NR3C2: variants seen among roughly 807,000 people sequenced by gnomAD.
The protein encoded by NR3C2 is mineralocorticoid receptor.
A neutral mutation model predicts 86.4 loss-of-function variants in NR3C2; 15 were observed. The ratio of observed to expected loss-of-function variants is 0.17; its 90% confidence interval spans 0.12 to 0.27. NR3C2 has a LOEUF of 0.27. Among genes scored for constraint, NR3C2 ranks in the 10% least tolerant of loss-of-function variants. The probability of loss-of-function intolerance (pLI) is 1.00; values close to 1 mark genes in which losing one functional copy is unlikely to be tolerated. For synonymous variants in NR3C2, 458 were observed against 450.5 expected (o/e 1.02, Z -0.21); for missense variants, 960 against 1,195.6 (o/e 0.80, Z 2.91).
chr4:148,416,169 G>A (rs1172314483), intron 2 of NR3C2, among the ~76,000 whole-genome samples: 2 of 152,014 alleles, frequency 1.3e-5, no homozygotes, highest in Non-Finnish European at 2.9e-5. Flanking sequence ...AATTCACTGG[G>A]AAAAAAGTTA....
At chr4:148,362,202 G>C (rs1261696290) in intron 2 of NR3C2, among the ~76,000 whole-genome samples, 2 of 152,122 alleles carry the variant, frequency 1.3e-5, no homozygotes, top group Non-Finnish European at 2.9e-5. Flanking sequence ...CAAGATTTCA[G>C]GCTGTTTGCA....
chr4:148,378,732 T>C (rs1173004519), intron 2 of NR3C2, among the ~76,000 whole-genome samples: 1 of 152,246 alleles, frequency 6.6e-6, no homozygotes. Context: ...ATGCTTCCTA[T>C]GCAGCCTGCA....
chr4:148,128,429 G>A lies in NR3C2; in HGVS notation c.2511-8141C>T, dbSNP rs980839960. Among the ~76,000 whole-genome samples the A allele has an allele frequency of 3.3e-5, 5 of 152,308 alleles. No homozygotes were observed. The South Asian group carries it at 1.0e-3, about 32-fold the overall frequency. On this transcript the variant is annotated intron_variant, in intron 6 of 8. Transcript: ENST00000358102. ...ATCATATTCATGTTGTATTTTGACA[G>A]AAGTAGATATTTGACAAGCCCAAAC...
chr4:148,412,325 T>G (rs1235763027), intron 2 of NR3C2, among the ~76,000 whole-genome samples: 1 of 152,164 alleles, frequency 6.6e-6, no homozygotes, highest in Non-Finnish European at 1.5e-5. Context: ...TAATCACTTA[T>G]TTTCCTGGGA....
intron 2 of NR3C2, among the ~76,000 whole-genome samples, chr4:148,404,212 T>C (rs1421848224): frequency 4.6e-5 from 7 of 152,124 alleles, no homozygotes; most frequent in Non-Finnish European, 8.8e-5. Flanking sequence ...CTGCATAAAA[T>C]AACTGAAAAC....
intron 7 of NR3C2, among the ~76,000 whole-genome samples, chr4:148,119,531 C>T (rs558262441): frequency 3.0e-4 from 46 of 152,300 alleles, no homozygotes; most frequent in African/African-American, 4.1e-4. Flanking sequence ...TGGTGGCTCA[C>T]GCCTATAATC....
chr4:148,215,700 G>C (rs543684387), intron 3 of NR3C2, among the ~76,000 whole-genome samples: 43 of 151,572 alleles, frequency 2.8e-4, no homozygotes, highest in Non-Finnish European at 5.4e-4. Flanking sequence ...CAATTAACCT[G>C]TTAGGCTCTG....
At chr4:148,276,128 C>A (rs1013346961) in intron 2 of NR3C2, among the ~76,000 whole-genome samples, 1 of 152,086 alleles carries the variant, frequency 6.6e-6, no homozygotes, top group East Asian at 1.9e-4. Flanking sequence ...TCTTGGAGTC[C>A]TTATTGTGAA....
At chr4:148,193,508 A>G (rs746870494) in intron 4 of NR3C2, among the ~76,000 whole-genome samples, 18 of 152,184 alleles carry the variant, frequency 1.2e-4, no homozygotes, top group Admixed American at 2.6e-4. Flanking sequence ...TGATCCCCTG[A>G]ATCCAGTATT....
intron 3 of NR3C2, among the ~76,000 whole-genome samples, chr4:148,216,727 C>T (rs894399958): frequency 1.3e-5 from 2 of 152,210 alleles, no homozygotes; most frequent in African/African-American, 4.8e-5. Context: ...TTGGGACCTA[C>T]TATATGCCCA....
intron 8 of NR3C2, among the ~76,000 whole-genome samples, chr4:148,088,198 AAGTT>A (rs1175015238): frequency 1.3e-5 from 2 of 152,216 alleles, no homozygotes; most frequent in Non-Finnish European, 2.9e-5. Context: ...GATCACTAAA[AAGTT>A]AGTTAGGAAA....
rs61764574 is a variant in NR3C2 at position 148,140,999 on chromosome 4, CTG to C, written c.2510+11468_2510+11469del. On this transcript the variant is annotated intron_variant, in intron 6 of 8. Coordinates refer to ENST00000358102, the MANE Select transcript of NR3C2 (RefSeq NM_000901.5). Reference sequence around the variant, plus strand: ...GTAAAATTTAAAGAAGTCTGCAAAACTGAATCTTTTTCATTAAGCTTACATGT... The same window carrying C: ...GTAAAATTTAAAGAAGTCTGCAAAACAATCTTTTTCATTAAGCTTACATGT... 7.6e-4 allele frequency among the ~76,000 whole-genome samples: 116 copies of C among 152,148 alleles called. 1 individual carries two copies. Among genetic ancestry groups the C allele is most frequent in the Non-Finnish European group, 9.6e-4 (65 of 68,010 alleles).
At chr4:148,245,239 C>T (rs1739261491) in intron 3 of NR3C2, among the ~76,000 whole-genome samples, 1 of 152,160 alleles carries the variant, frequency 6.6e-6, no homozygotes, top group Non-Finnish European at 1.5e-5. Flanking sequence ...AGGTACTTGG[C>T]ACACATCATC....
chr4:148,321,513 A>C (rs1190467083), intron 2 of NR3C2, among the ~76,000 whole-genome samples: 1 of 151,942 alleles, frequency 6.6e-6, no homozygotes, highest in South Asian at 2.1e-4. Context: ...GTGGGAGTCT[A>C]AGTCTCTTTG....
chr4:148,294,539 A>C (rs1285059238), intron 2 of NR3C2, among the ~76,000 whole-genome samples: 1 of 140,500 alleles, frequency 7.1e-6, no homozygotes. Flanking sequence ...ACTCCCTCAC[A>C]AAACAGTTTT....
chr4:148,364,878 G>C (rs374270254), intron 2 of NR3C2, among the ~76,000 whole-genome samples: 76 of 150,964 alleles, frequency 5.0e-4, no homozygotes, highest in African/African-American at 1.8e-3. Context: ...TGGGACCCAA[G>C]TCTAAACATG....
At chr4:148,372,021 G>C (rs183113946) in intron 2 of NR3C2, among the ~76,000 whole-genome samples, 1 of 152,162 alleles carries the variant, frequency 6.6e-6, no homozygotes, top group Admixed American at 6.5e-5. Context: ...GAAATAACAA[G>C]GGATAAACTA....
At position 148,435,698 on chromosome 4, in the gene NR3C2, A is replaced by G. The variant is rs1397310113; in HGVS notation, c.1163T>C (p.Val388Ala). 2 of 1,614,178 alleles carry G rather than the reference A, an allele frequency of 1.2e-6. No homozygotes were observed. Among genetic ancestry groups the G allele is most frequent in the Non-Finnish European group, 8.5e-7 (1 of 1,180,042 alleles). The change falls in exon 2 of 9, where the codon GTG becomes GCG. Residue 388 changes from valine (V) to alanine (A), a missense_variant. By Grantham distance (64) the Val-to-Ala change is moderately conservative (BLOSUM62 0). Transcript: ENST00000358102. ...CTGGACAATATTAAGCTGGCCAGTC[A>G]CACCATTTGAGATGGCACTCTCTAC... is the stretch of plus-strand genomic sequence containing the variant. ...EEVESAISNG[V>A]TGQLNIVQYI... is the part of the protein sequence containing the mutation.
chr4:148,373,470 C>CTTTTTTTTTTT (rs774726733), intron 2 of NR3C2, among the ~76,000 whole-genome samples: 1 of 129,796 alleles, frequency 7.7e-6, no homozygotes. Flanking sequence ...TAAAGGATGA[C>CTTTTTTTTTTT]TTTTTTTTTC....
Sources: gnomAD v4.1 joint callset for allele counts (sites outside exome capture counted in the v4.1 genomes callset) on GRCh38, gnomAD v4.1.1 for gene constraint, MANE v1.5 for transcripts, NCBI Gene and HGNC (gene_info 2026-07-23, HGNC 2026-07-21) for gene names.